The following SNX31 variants were observed in gnomAD, a reference collection of about 807,000 sequenced individuals.
SNX31 encodes sorting nexin-31.
Under a neutral mutation model 65.4 loss-of-function variants are expected in SNX31, and 58 were observed. The ratio of observed to expected loss-of-function variants is 0.89; its 90% CI spans 0.72 to 1.10. The LOEUF (loss-of-function observed/expected upper bound fraction) is 1.10, where lower values mean the gene tolerates loss of function less well. SNX31 is among the 50% of genes least tolerant of loss of function. The pLI is 0.00. For missense variants in SNX31, 523 were observed against 529.7 expected, an observed-to-expected ratio of 0.99 and a Z score of 0.12; for synonymous variants, 181 against 190.1, an observed-to-expected ratio of 0.95 and a Z score of 0.39.
rs1306422050 is a variant in SNX31, at chr8:100,604,916, T to C, written c.681+3578A>G. ...TTCTTAGTCTTTTTTTTTCTTTTTT[T>C]TTGACAGAGTCTCGTGCTGTCACCC... is the stretch of plus-strand genomic sequence containing the variant. On this transcript the variant is annotated intron_variant, in intron 8 of 13. Coordinates refer to ENST00000311812, the MANE Select transcript of SNX31 (RefSeq NM_152628.4). This position sits in a 1 kb window ranked among gnomAD's most constrained non-coding sequence, Gnocchi z 4.3. 6.6e-6 allele frequency among the ~76,000 whole-genome samples: 1 copy of C among 152,122 alleles called. No individual in the cohort carries two copies. Among genetic ancestry groups the C allele is most frequent in the East Asian group, 1.9e-4 (1 of 5,186 alleles).
rs1819789789 is a variant in SNX31, at chr8:100,648,353, G to T, written c.141+921C>A. Among the ~76,000 whole-genome samples, 1 of 139,634 alleles carries T rather than the reference G, an allele frequency of 7.2e-6. No individual in the cohort carries two copies. Among genetic ancestry groups the T allele is most frequent in the Non-Finnish European group, 1.5e-5 (1 of 66,086 alleles). 91.6% of individuals were successfully genotyped at this position (139,634 alleles called of 152,430 possible). On this transcript the variant is annotated intron_variant, in intron 2 of 13. Coordinates refer to ENST00000311812, the MANE Select transcript of SNX31 (RefSeq NM_152628.4). The surrounding 1 kb of genome is among the most constrained non-coding windows in gnomAD (Gnocchi z 4.3). ...TTTTTTTTTTTTTTAATAGAGACAA[G>T]GTCTCGGCTATGTTGCCCAGGCTGG...
upstream of SNX31, among the ~76,000 whole-genome samples, chr8:100,651,415 G>A (rs1227000000): frequency 3.9e-5 from 6 of 152,182 alleles, no homozygotes. Context: ...AGCTTTCCTG[G>A]AACTTTCCTG....
chr8:100,630,194 T>C lies in SNX31; in HGVS notation c.321+133A>G. On this transcript the variant is annotated intron_variant, in intron 4 of 13. Transcript: ENST00000311812. This position sits in a 1 kb window ranked among gnomAD's most constrained non-coding sequence, Gnocchi z 5.3. ...GAACCATCCCCCAATTGACTTGAAATGAATATATTTTGTCCAAGTCCAGGC... is the reference window on the plus strand; with the variant it reads ...GAACCATCCCCCAATTGACTTGAAACGAATATATTTTGTCCAAGTCCAGGC... 1.4e-6 allele frequency: 1 copy of C among 712,604 alleles called. No individual in the cohort carries two copies. Among genetic ancestry groups the C allele is most frequent in the Admixed American group, 3.6e-5 (1 of 27,680 alleles). 44.1% of individuals were successfully genotyped at this position (712,604 alleles called of 1,614,324 possible).
At position 100,609,774 on chromosome 8, in the gene SNX31, C is replaced by A. The variant is rs913203645; in HGVS notation, c.612-1211G>T. 3.9e-5 allele frequency among the ~76,000 whole-genome samples: 6 copies of A among 152,148 alleles called. No homozygotes were observed. The highest frequency in any genetic ancestry group is 7.4e-5 in the Non-Finnish European group (5 of 68,022). ...GCATCCCTACTTACATTCCAGGTAA[C>A]TATGCACCCACACATCCCAGAGGCC... On this transcript the variant is annotated intron_variant, in intron 7 of 13. Transcript: ENST00000311812. The surrounding 1 kb of genome is among the most constrained non-coding windows in gnomAD (Gnocchi z 4.9).
intron 12 of SNX31, among the ~76,000 whole-genome samples, chr8:100,577,590 A>C (rs1813153110): frequency 6.6e-6 from 1 of 152,210 alleles, no homozygotes; most frequent in South Asian, 2.1e-4. Context: ...TTTAGGAAGG[A>C]ACCGTTTAAC....
chr8:100,641,568 AT>A (rs1563580548), intron 2 of SNX31, among the ~76,000 whole-genome samples: 46 of 32,720 alleles, frequency 1.4e-3, no homozygotes, highest in African/African-American at 2.1e-3. Flanking sequence ...AAAAAAAAAT[AT>A]ATATATATAT....
upstream of SNX31, among the ~76,000 whole-genome samples, chr8:100,650,955 T>C (rs971905662): frequency 4.6e-5 from 7 of 150,996 alleles, no homozygotes; most frequent in Non-Finnish European, 7.4e-5. Flanking sequence ...CGGGTTCAAG[T>C]GATTTTCCTG....
At chr8:100,581,690 G>A (rs1388461514) in intron 12 of SNX31, among the ~76,000 whole-genome samples, 1 of 152,086 alleles carries the variant, frequency 6.6e-6, no homozygotes, top group Non-Finnish European at 1.5e-5. Flanking sequence ...GCAAAATAGA[G>A]ACCTCTGTGT....
At position 100,575,081 on chromosome 8, in the gene SNX31, C is replaced by A. The variant is rs984935514; in HGVS notation, c.1228-1121G>T. Among the ~76,000 whole-genome samples the A allele has an allele frequency of 6.6e-6, 1 of 152,100 alleles. No individual in the cohort carries two copies. ...GGAAAGTGAAAAAAAAAATGTGGAG[C>A]CCCTCAGTGGGCAGATGGGCTACAA... On this transcript the variant is annotated intron_variant, in intron 13 of 13. Transcript: ENST00000311812. This position sits in a 1 kb window ranked among gnomAD's most constrained non-coding sequence, Gnocchi z 5.1.
chr8:100,588,504 C>T lies in SNX31; in HGVS notation c.1092+362G>A, dbSNP rs147683422. On this transcript the variant is annotated intron_variant, in intron 11 of 13. Transcript: ENST00000311812. The surrounding 1 kb of genome is among the most constrained non-coding windows in gnomAD (Gnocchi z 4.8). ...ATAGCCAGACTCACTTGTTTATATA[C>T]TGCCTATGGCTGCTTTTAACAGAGT... is the stretch of plus-strand genomic sequence containing the variant. Among the ~76,000 whole-genome samples, 6 of 152,334 alleles carry T rather than the reference C, an allele frequency of 3.9e-5. No individual in the cohort carries two copies. Among genetic ancestry groups the T allele is most frequent in the African/African-American group, 1.2e-4 (5 of 41,582 alleles).
chr8:100,658,956 G>T (rs1167941741), intron 1 of SNX31, among the ~76,000 whole-genome samples: 1 of 152,168 alleles, frequency 6.6e-6, no homozygotes, highest in Non-Finnish European at 1.5e-5. Context: ...CATTGTACAG[G>T]TGGAAAATAT....
intron 8 of SNX31, among the ~76,000 whole-genome samples, chr8:100,603,214 C>T (rs553560015): frequency 2.0e-5 from 3 of 152,276 alleles, no homozygotes; most frequent in Non-Finnish European, 4.4e-5. Context: ...GAATGAAACG[C>T]TGCCTTCTTT....
At chr8:100,653,942 ACT>A (rs1820015209), upstream of SNX31, among the ~76,000 whole-genome samples, 1 of 152,126 alleles carries the variant, frequency 6.6e-6, no homozygotes, top group Non-Finnish European at 1.5e-5. Flanking sequence ...GCCAGACATA[ACT>A]CTGTGTAACA....
intron 12 of SNX31, among the ~76,000 whole-genome samples, chr8:100,577,906 A>G (rs768226739): frequency 1.7e-4 from 26 of 152,196 alleles, no homozygotes; most frequent in East Asian, 5.8e-4. Context: ...TGGTTTCCCA[A>G]TGAGTTATCC....
At chr8:100,658,235 TGGC>T (rs1820083100) in intron 1 of SNX31, among the ~76,000 whole-genome samples, 1 of 152,208 alleles carries the variant, frequency 6.6e-6, no homozygotes, top group South Asian at 2.1e-4. Context: ...GCTGCAATTT[TGGC>T]TCAGCTTGCT....
intron 10 of SNX31, among the ~76,000 whole-genome samples, chr8:100,592,036 A>C (rs1362918134): frequency 6.6e-6 from 1 of 152,216 alleles, no homozygotes; most frequent in Non-Finnish European, 1.5e-5. Context: ...TCAATAGTAC[A>C]TACTCAATGT....
Position 100,576,200 on chromosome 8 carries a change from C to T in SNX31, c.1227+819G>A, listed in dbSNP as rs1025080589. On this transcript the variant is annotated intron_variant, in intron 13 of 13. Transcript: ENST00000311812. This position sits in a 1 kb window ranked among gnomAD's most constrained non-coding sequence, Gnocchi z 4.8. The stretch of plus-strand genomic sequence containing the variant: ...CTGACTGTATTCATTCAAGAAAGGA[C>T]TTTATATACTTACATATTTATAAAT... 6.6e-6 allele frequency among the ~76,000 whole-genome samples: 1 copy of T among 152,148 alleles called. No individual in the cohort carries two copies. Among genetic ancestry groups the T allele is most frequent in the Admixed American group, 6.5e-5 (1 of 15,272 alleles).
In SNX31 at chr8:100,604,334, T is replaced by C. The variant is rs1330602362; in HGVS notation, c.682-3893A>G. 1.3e-5 allele frequency among the ~76,000 whole-genome samples: 2 copies of C among 152,212 alleles called. No individual in the cohort carries two copies. Among genetic ancestry groups the C allele is most frequent in the Non-Finnish European group, 2.9e-5 (2 of 68,038 alleles). On this transcript the variant is annotated intron_variant, in intron 8 of 13. Transcript: ENST00000311812. The surrounding 1 kb of genome is among the most constrained non-coding windows in gnomAD (Gnocchi z 4.3). ...ACATAAGCCATAGTCTTCCTGACCT[T>C]CAGTCTCACACGCTCTAGTGTCCTC...
At chr8:100,615,870 C>A (rs10096723) in intron 5 of SNX31, among the ~76,000 whole-genome samples, 2 of 151,626 alleles carry the variant, frequency 1.3e-5, no homozygotes, top group South Asian at 2.1e-4. Context: ...CCCGGGTTCA[C>A]GCCATTCTCC....
Sources: gnomAD v4.1 joint callset for allele counts (sites outside exome capture counted in the v4.1 genomes callset) on GRCh38, gnomAD v4.1.1 for gene constraint, Gnocchi (gnomAD v3.1) non-coding constraint, MANE v1.5 for transcripts, NCBI Gene and HGNC (gene_info 2026-07-23, HGNC 2026-07-21) for gene names.